The following SLC30A7 variants were observed in gnomAD, a reference collection of about 807,000 sequenced individuals.
The protein encoded by SLC30A7 is solute carrier family 30 member 7, also known as zinc transporter 7.
A neutral mutation model predicts 46.0 loss-of-function variants in SLC30A7; 35 were observed. The observed-to-expected ratio is 0.76, with a 90% confidence interval of 0.58 to 1.01. The LOEUF is 1.01. SLC30A7 is among the 50% of genes least tolerant of loss of function. The probability of loss-of-function intolerance (pLI) is 0.00; values close to 1 mark genes in which losing one functional copy is unlikely to be tolerated. For synonymous variants in SLC30A7, 147 were observed against 157.8 expected, an observed-to-expected ratio of 0.93 and a Z score of 0.51; for missense variants, 464 against 451.1, an observed-to-expected ratio of 1.03 and a Z score of -0.26.
intron 3 of SLC30A7, among the ~76,000 whole-genome samples, chr1:100,908,130 A>C: frequency 6.8e-6 from 1 of 147,448 alleles, no homozygotes; most frequent in Non-Finnish European, 1.5e-5. Context: ...AGTTTCTCTC[A>C]CTCTCTCCCT....
chr1:100,972,221 T>C, intron 10 of SLC30A7: 1 of 262,596 alleles, frequency 3.8e-6, no homozygotes, highest in Non-Finnish European at 8.1e-6. Context: ...TTAGTTTGCA[T>C]TCAGAGAGTA....
chr1:100,989,312 T>C, the SLC30A7 span, among the ~76,000 whole-genome samples: 13 of 152,240 alleles, frequency 8.5e-5, no homozygotes, highest in Non-Finnish European at 2.9e-5. Context: ...TGCTTGGATG[T>C]GAAAGATGCT....
chr1:100,994,384 C>G, the SLC30A7 span, among the ~76,000 whole-genome samples: 1 of 152,064 alleles, frequency 6.6e-6, no homozygotes, highest in Non-Finnish European at 1.5e-5. Flanking sequence ...GCTCCTTAGT[C>G]ACAAGTGGGT....
intron 8 of SLC30A7, among the ~76,000 whole-genome samples, chr1:100,935,666 C>T (rs534239557): frequency 6.6e-6 from 1 of 152,168 alleles, no homozygotes; most frequent in South Asian, 2.1e-4. Context: ...TGTTTTTTAA[C>T]CAATACTCCC....
chr1:100,897,714 A>C (rs1651054485), intron 2 of SLC30A7, among the ~76,000 whole-genome samples: 1 of 152,306 alleles, frequency 6.6e-6, no homozygotes, highest in Admixed American at 6.5e-5. Context: ...GGCTTCTTTC[A>C]ATTCAACCGT....
At chr1:100,945,350 A>C (rs1009698481) in intron 8 of SLC30A7, among the ~76,000 whole-genome samples, 1 of 152,134 alleles carries the variant, frequency 6.6e-6, no homozygotes, top group Non-Finnish European at 1.5e-5. Context: ...TTTAGTCATG[A>C]AGTCCTTGCC....
At position 100,921,750 on chromosome 1, in the gene SLC30A7, G is replaced by C. The variant is rs767450406; in HGVS notation, c.751G>C (p.Val251Leu). The change falls in exon 8 of 11, where the codon GTA (valine) becomes CTA (leucine). Residue 251 changes from valine (V) to leucine (L), a missense_variant. Coordinates refer to ENST00000357650, the MANE Select transcript of SLC30A7 (RefSeq NM_133496.5). ...ILADTLGSIG[V>L]IASAIMMQNF... is the part of the protein sequence containing the mutation. ...AGCAGATACACTTGGAAGTATTGGTGTAATTGCTTCTGCCATCATGATGCA... is the reference window on the plus strand; with the variant it reads ...AGCAGATACACTTGGAAGTATTGGTCTAATTGCTTCTGCCATCATGATGCA... 5 of 1,612,534 alleles carry C rather than the reference G, an allele frequency of 3.1e-6. No individual in the cohort carries two copies. Among genetic ancestry groups the C allele is most frequent in the Non-Finnish European group, 4.2e-6 (5 of 1,178,994 alleles).
At chr1:100,928,574 AT>A (rs1320993467) in intron 8 of SLC30A7, among the ~76,000 whole-genome samples, 1 of 151,408 alleles carries the variant, frequency 6.6e-6, no homozygotes, top group Non-Finnish European at 1.5e-5. Context: ...TTTCTTTTGG[AT>A]TTTTTCTTTT....
chr1:100,987,688 A>G, the SLC30A7 span, among the ~76,000 whole-genome samples: 1 of 147,092 alleles, frequency 6.8e-6, no homozygotes. Context: ...TTTTTAAACC[A>G]TAAGCTATAA....
At chr1:100,898,437 G>A (rs938401047) in intron 2 of SLC30A7, among the ~76,000 whole-genome samples, 1 of 152,112 alleles carries the variant, frequency 6.6e-6, no homozygotes, top group Non-Finnish European at 1.5e-5. Context: ...TAGGGGACTT[G>A]CTTTTCTTTA....
At chr1:100,901,387 A>G (rs546860367) in intron 2 of SLC30A7, among the ~76,000 whole-genome samples, 150 of 152,180 alleles carry the variant, frequency 9.9e-4, no homozygotes, top group African/African-American at 3.5e-3. Flanking sequence ...CATATATTCT[A>G]TTGACATTTG....
intron 10 of SLC30A7, among the ~76,000 whole-genome samples, chr1:100,967,112 G>A (rs1289415123): frequency 6.6e-6 from 1 of 152,178 alleles, no homozygotes; most frequent in Non-Finnish European, 1.5e-5. Context: ...CTAAGAAAGA[G>A]GCAGAGAGAA....
In SLC30A7 at chr1:100,949,181, T is replaced by A. The variant is rs950266502; in HGVS notation, c.843-12647T>A. 3.3e-5 allele frequency among the ~76,000 whole-genome samples: 5 copies of A among 152,208 alleles called. No homozygotes were observed. The East Asian group carries it at 9.6e-4, about 29-fold the overall frequency. On this transcript the variant is annotated intron_variant, in intron 8 of 10. Transcript: ENST00000357650. ...GGTTTTATCTACCTTTGGTCTATGA[T>A]GGGGTTTTGGTGTAGATGTCTTTTT...
chr1:100,949,640 A>G (rs2101068571), intron 8 of SLC30A7, among the ~76,000 whole-genome samples: 1 of 152,320 alleles, frequency 6.6e-6, no homozygotes, highest in East Asian at 1.9e-4. Context: ...TAGAGACAGT[A>G]GGCCTTACTG....
At chr1:100,986,148 G>A (rs1657255912), downstream of SLC30A7, among the ~76,000 whole-genome samples, 2 of 152,184 alleles carry the variant, frequency 1.3e-5, no homozygotes, top group Admixed American at 6.5e-5. Context: ...AGTGGCTCAT[G>A]CCTGTAATCC....
chr1:100,916,442 C>T (rs1446583202), intron 6 of SLC30A7, among the ~76,000 whole-genome samples: 1 of 152,172 alleles, frequency 6.6e-6, no homozygotes, highest in Non-Finnish European at 1.5e-5. Flanking sequence ...GCCTTGGCCT[C>T]CCGAACTGCT....
At chr1:100,995,350 C>T in the SLC30A7 span, 1 of 452,606 alleles carries the variant, frequency 2.2e-6, no homozygotes, top group Non-Finnish European at 4.0e-6. Flanking sequence ...ATGAACTTGG[C>T]CCTGAGACCA....
chr1:100,944,297 C>T (rs185365773), intron 8 of SLC30A7, among the ~76,000 whole-genome samples: 1 of 152,302 alleles, frequency 6.6e-6, no homozygotes, highest in Non-Finnish European at 1.5e-5. Context: ...TCCTCAGTCT[C>T]CCAAAGTGCT....
Position 100,974,962 on chromosome 1 carries a change from A to T in SLC30A7, c.*105A>T. ...TTAAAAGAGAGAAATTATCACTACA[A>T]CTCCCGAGCACTAAGTAGACGGGGT... is the stretch of plus-strand genomic sequence containing the variant. On this transcript the variant is annotated 3_prime_UTR_variant, in exon 11 of 11. Transcript: ENST00000357650. 1.2e-6 allele frequency: 1 copy of T among 851,634 alleles called. No individual in the cohort carries two copies. 52.8% of individuals were successfully genotyped at this position (851,634 alleles called of 1,614,324 possible).
Sources: gnomAD v4.1 joint callset for allele counts (sites outside exome capture counted in the v4.1 genomes callset) on GRCh38, gnomAD v4.1.1 for gene constraint, MANE v1.5 for transcripts, NCBI Gene and HGNC (gene_info 2026-07-23, HGNC 2026-07-21) for gene names.